The following USPL1 variants were observed in gnomAD, a reference collection of about 807,000 sequenced individuals.
The protein encoded by USPL1 is ubiquitin specific peptidase like 1.
USPL1 carries 27 observed loss-of-function variants against 51.5 expected under a neutral mutation model. The ratio of observed to expected loss-of-function variants is 0.52; its 90% CI spans 0.39 to 0.72. USPL1 has a LOEUF of 0.72. USPL1 is among the 30% of genes least tolerant of loss of function. USPL1 has a pLI of 0.00. For missense variants in USPL1, 1,226 were observed against 1,268.0 expected (o/e 0.97, Z 0.50); for synonymous variants, 451 against 459.6 (o/e 0.98, Z 0.24).
Position 30,621,753 on chromosome 13 carries a change from TTC to T in USPL1, c.100-7_100-6del. On this transcript the variant is annotated splice_polypyrimidine_tract_variant and intron_variant, in intron 2 of 8. Transcript: ENST00000255304. ...ATGTCTATATTTTAATTTGCTTTAT[TTC>T]TCTTTTAGAATTTTGATTCAGCTAA... The T allele has an allele frequency of 6.8e-7, 1 of 1,462,020 alleles. No individual in the cohort carries two copies. The highest frequency in any genetic ancestry group is 1.6e-5 in the South Asian group (1 of 64,174). 90.6% of individuals were successfully genotyped at this position (1,462,020 alleles called of 1,614,324 possible).
At chr13:30,622,707 G>C (rs1950660886) in intron 3 of USPL1, among the ~76,000 whole-genome samples, 1 of 152,132 alleles carries the variant, frequency 6.6e-6, no homozygotes, top group Admixed American at 6.5e-5. Flanking sequence ...CCCAGATGCT[G>C]ATTCAATAGA....
chr13:30,647,607 A>G (rs74043526), intron 7 of USPL1, among the ~76,000 whole-genome samples: 3,088 of 152,172 alleles, frequency 0.02, 106 homozygotes, highest in African/African-American at 0.071. Flanking sequence ...ATTACCAGAG[A>G]ACCATCTGTT....
At chr13:30,635,569 C>T (rs916772745) in intron 4 of USPL1, among the ~76,000 whole-genome samples, 3 of 152,192 alleles carry the variant, frequency 2.0e-5, no homozygotes, top group African/African-American at 7.2e-5. Flanking sequence ...CACTTTTATT[C>T]AACTTCTTTT....
chr13:30,642,647 G>A lies in USPL1; in HGVS notation c.1002G>A (p.Val334=), dbSNP rs1950962935. The A allele has an allele frequency of 6.2e-7, 1 of 1,613,304 alleles. No homozygotes were observed. The highest frequency in any genetic ancestry group is 1.1e-5 in the South Asian group (1 of 90,986). Residue 334 remains valine, a synonymous_variant, in exon 6 of 9, where the codon GTG becomes GTA. Coordinates refer to ENST00000255304, the MANE Select transcript of USPL1 (RefSeq NM_005800.5). ...TTGAAGGTGATATGGAAAGCCCTGT[G>A]TTTGCATTTCCCCTGCTCTTAAAAC... ...RCTLGDMESP[V]FAFPLLLKLE...
intron 3 of USPL1, among the ~76,000 whole-genome samples, chr13:30,626,983 C>G (rs1232444690): frequency 6.6e-6 from 1 of 151,740 alleles, no homozygotes; most frequent in African/African-American, 2.4e-5. Context: ...TTTGGCCATA[C>G]CTTGTTGATA....
chr13:30,641,104 TC>T (rs1381353128), intron 5 of USPL1, among the ~76,000 whole-genome samples: 1 of 152,238 alleles, frequency 6.6e-6, no homozygotes, highest in East Asian at 1.9e-4. Context: ...AGTAGACAGA[TC>T]TAGCATTTTT....
Position 30,657,519 on chromosome 13 carries a change from G to A in USPL1, c.1442G>A (p.Arg481Lys), listed in dbSNP as rs1951179415. 13 of 1,611,506 alleles carry A rather than the reference G, an allele frequency of 8.1e-6. No individual in the cohort carries two copies. Among genetic ancestry groups the A allele is most frequent in the Non-Finnish European group, 1.1e-5 (13 of 1,179,200 alleles). Residue 481 changes from arginine to lysine, a missense_variant, in exon 9 of 9, where the codon AGG becomes AAG. By Grantham distance (26) the Arg-to-Lys change is conservative. Transcript: ENST00000255304. The stretch of plus-strand genomic sequence containing the variant: ...GACTTAAAAGGCCCATGTTCTGAAA[G>A]GCACAAGAAATTTGAAGTTCCTGCT... ...CDDLKGPCSE[R>K]HKKFEVPASE... is the part of the protein sequence containing the mutation.
Position 30,631,406 on chromosome 13 carries a change from G to A in USPL1, c.800G>A (p.Trp267Ter). The A allele has an allele frequency of 6.2e-7, 1 of 1,614,170 alleles. No homozygotes were observed. The highest frequency in any genetic ancestry group is 8.5e-7 in the Non-Finnish European group (1 of 1,180,026). Residue 267 changes from tryptophan to a stop codon, truncating the protein, a stop_gained, in exon 4 of 9, where the codon TGG becomes TAG. Transcript: ENST00000255304. LOFTEE classifies it high-confidence loss of function. ...GLCSKEESIF[W>*]RLLTKYNQAN... ...TGCTCGAAGGAGGAATCTATATTCT[G>A]GCGGTTGCTTACAAAATATAATCAA...
rs1482645443 is a variant in USPL1, at chr13:30,659,874, CCT to C, written c.*519_*520del. On this transcript the variant is annotated 3_prime_UTR_variant, in exon 9 of 9. Transcript: ENST00000255304. ...AAGGAGACCCACAGTGAGCAGCTCC[CCT>C]GTGTCGGCGGGCAGGTCGTCCCTCA... is the stretch of plus-strand genomic sequence containing the variant. The C allele has an allele frequency of 1.3e-5, 2 of 153,206 alleles. No homozygotes were observed. The highest frequency in any genetic ancestry group is 2.9e-5 in the Non-Finnish European group (2 of 69,012). The allele number at this position is 153,206 out of a possible 1,614,324, so 9.5% of individuals were successfully genotyped here.
At chr13:30,623,897 C>G (rs1950676756) in intron 3 of USPL1, among the ~76,000 whole-genome samples, 1 of 152,178 alleles carries the variant, frequency 6.6e-6, no homozygotes, top group African/African-American at 2.4e-5. Context: ...TGTCCCATAC[C>G]TTGCCCTACT....
chr13:30,636,608 A>G, intron 4 of USPL1, among the ~76,000 whole-genome samples: 1 of 152,376 alleles, frequency 6.6e-6, no homozygotes, highest in East Asian at 1.9e-4. Flanking sequence ...TCCATTTTGA[A>G]GATAATAAAT....
chr13:30,648,277 T>A (rs1039032828), intron 7 of USPL1, among the ~76,000 whole-genome samples: 7 of 152,258 alleles, frequency 4.6e-5, no homozygotes, highest in Admixed American at 4.6e-4. Context: ...CCAAATACTT[T>A]AAAGACTTAT....
chr13:30,619,314 T>C (rs1002184984), intron 1 of USPL1, among the ~76,000 whole-genome samples: 1 of 152,176 alleles, frequency 6.6e-6, no homozygotes, highest in African/African-American at 2.4e-5. Flanking sequence ...GAATTTTCTT[T>C]TGGGGGATTC....
intron 7 of USPL1, among the ~76,000 whole-genome samples, chr13:30,647,552 G>C (rs370294641): frequency 6.6e-6 from 1 of 152,006 alleles, no homozygotes; most frequent in East Asian, 1.9e-4. Context: ...CAGCTTTTCT[G>C]TTTGTCCTCA....
chr13:30,635,964 CAG>C (rs1950870750), intron 4 of USPL1, among the ~76,000 whole-genome samples: 1 of 152,124 alleles, frequency 6.6e-6, no homozygotes, highest in African/African-American at 2.4e-5. Flanking sequence ...AAAAATACCT[CAG>C]TGTTTTCTAA....
At chr13:30,619,979 CACAA>C (rs1175079746) in intron 1 of USPL1, among the ~76,000 whole-genome samples, 1 of 152,174 alleles carries the variant, frequency 6.6e-6, no homozygotes, top group Admixed American at 6.5e-5. Flanking sequence ...GAACAGCCTT[CACAA>C]ACAATTATTT....
At position 30,659,268 on chromosome 13, in the gene USPL1, A is replaced by G; in HGVS notation, c.3191A>G (p.Glu1064Gly). 6.2e-7 allele frequency: 1 copy of G among 1,614,170 alleles called. No homozygotes were observed. Among genetic ancestry groups the G allele is most frequent in the Non-Finnish European group, 8.5e-7 (1 of 1,180,020 alleles). Reference sequence around the variant, plus strand: ...CCGATGAAGACTGATATTTTCGATGAGTTTTTTTCCTCCTCAGCATTAAAT... The same window carrying G: ...CCGATGAAGACTGATATTTTCGATGGGTTTTTTTCCTCCTCAGCATTAAAT... The part of the protein sequence containing the change: ...ESPMKTDIFD[E>G]FFSSSALNAL... The change falls in exon 9 of 9, where the codon GAG becomes GGG. Residue 1064 changes from glutamate (E) to glycine (G), a missense_variant. Physicochemically the swap from Glu to Gly is moderately conservative, Grantham distance 98. Coordinates refer to ENST00000255304, the MANE Select transcript of USPL1 (RefSeq NM_005800.5).
chr13:30,643,598 C>CT, intron 6 of USPL1, among the ~76,000 whole-genome samples: 1 of 92,734 alleles, frequency 1.1e-5, no homozygotes, highest in Non-Finnish European at 1.9e-5. Flanking sequence ...ATAACTCTTT[C>CT]CACCCCCCCC....
At chr13:30,628,481 T>C (rs571383881) in intron 3 of USPL1, among the ~76,000 whole-genome samples, 1 of 152,292 alleles carries the variant, frequency 6.6e-6, no homozygotes, top group South Asian at 2.1e-4. Flanking sequence ...GGTGGTTTGT[T>C]GCACCTGTCA....
Sources: allele counts gnomAD v4.1 joint callset (sites outside exome capture counted in the v4.1 genomes callset), GRCh38; gene constraint gnomAD v4.1.1; transcripts MANE v1.5; gene names NCBI Gene and HGNC (gene_info 2026-07-23, HGNC 2026-07-21).